Variants in PALM2AKAP2 observed in about 807,000 individuals in gnomAD.
The protein encoded by PALM2AKAP2 is PALM2 and AKAP2 fusion.
In PALM2AKAP2, 37 loss-of-function variants were observed where a neutral mutation model predicts 71.5. The observed-to-expected ratio is 0.52, with a 90% confidence interval of 0.40 to 0.68. The LOEUF is 0.68. Among genes scored for constraint, PALM2AKAP2 ranks in the 30% least tolerant of loss-of-function variants. The probability of loss-of-function intolerance (pLI) is 0.00; values close to 1 mark genes in which losing one functional copy is unlikely to be tolerated. For missense variants in PALM2AKAP2, 1,224 were observed against 1,191.8 expected (o/e 1.03, Z -0.40); for synonymous variants, 468 against 478.8 (o/e 0.98, Z 0.29).
chr9:110,121,810 C>T (rs941045102), intron 1 of PALM2AKAP2, among the ~76,000 whole-genome samples: 13 of 152,182 alleles, frequency 8.5e-5, no homozygotes, highest in Non-Finnish European at 2.9e-5. Context: ...ACCTGGTTTC[C>T]AAGGCAGCTG....
intron 1 of PALM2AKAP2, among the ~76,000 whole-genome samples, chr9:110,074,527 T>G (rs1273848442): frequency 6.6e-6 from 1 of 152,212 alleles, no homozygotes; most frequent in Non-Finnish European, 1.5e-5. Context: ...ATTTTGAGGC[T>G]GGACTGTGGT....
chr9:109,848,551 A>T (rs1201036764), intron 1 of PALM2AKAP2, among the ~76,000 whole-genome samples: 2 of 152,182 alleles, frequency 1.3e-5, no homozygotes, highest in Non-Finnish European at 2.9e-5. Context: ...GACTGAGGGA[A>T]GTAGTCAGTT....
intron 3 of PALM2AKAP2, among the ~76,000 whole-genome samples, chr9:109,888,833 A>G (rs1019655015): frequency 6.6e-6 from 1 of 151,508 alleles, no homozygotes; most frequent in Non-Finnish European, 1.5e-5. Context: ...ATTTGTTGTG[A>G]GTGGCTGTCT....
At chr9:109,904,449 ATCAT>A (rs1564203356) in intron 3 of PALM2AKAP2, among the ~76,000 whole-genome samples, 1 of 152,210 alleles carries the variant, frequency 6.6e-6, no homozygotes, top group African/African-American at 2.4e-5. Context: ...GAGGCTTGTG[ATCAT>A]TCATTCATTC....
At chr9:110,150,410 A>G (rs947190532) in intron 2 of PALM2AKAP2, among the ~76,000 whole-genome samples, 2 of 152,094 alleles carry the variant, frequency 1.3e-5, no homozygotes, top group African/African-American at 4.8e-5. Context: ...TTCGTTCTGT[A>G]TGCTGCCTAC....
At chr9:110,147,980 A>T (rs1836220527) in intron 2 of PALM2AKAP2, among the ~76,000 whole-genome samples, 1 of 152,180 alleles carries the variant, frequency 6.6e-6, no homozygotes, top group African/African-American at 2.4e-5. Context: ...GTCCACTATG[A>T]TTCGAAAAAC....
chr9:109,950,091 G>A (rs753139411), intron 6 of PALM2AKAP2, among the ~76,000 whole-genome samples: 6 of 152,030 alleles, frequency 3.9e-5, no homozygotes, highest in Non-Finnish European at 5.9e-5. Context: ...TCAAGACCAG[G>A]CTAGGCAACA....
rs1032438815 is a variant in PALM2AKAP2 at position 109,850,052 on chromosome 9, G to C, written c.46-17439G>C. The stretch of plus-strand genomic sequence containing the variant: ...GTACAGAGAGACCTATGGGTTTCAC[G>C]GGCCCTCAGTAGAACTGATTTCCTC... On this transcript the variant is annotated intron_variant, in intron 1 of 9. Transcript: ENST00000302798. 3.9e-5 allele frequency among the ~76,000 whole-genome samples: 6 copies of C among 152,232 alleles called. No individual in the cohort carries two copies. The East Asian group carries it at 5.8e-4, about 15-fold the overall frequency.
chr9:109,840,480 C>T (rs935884675), intron 1 of PALM2AKAP2, among the ~76,000 whole-genome samples: 1 of 152,134 alleles, frequency 6.6e-6, no homozygotes, highest in Admixed American at 6.5e-5. Context: ...GTCTAAAACA[C>T]CAAAAGCAAT....
chr9:109,964,405 G>A (rs1406344670), intron 6 of PALM2AKAP2, among the ~76,000 whole-genome samples: 2 of 152,260 alleles, frequency 1.3e-5, no homozygotes, highest in Non-Finnish European at 2.9e-5. Flanking sequence ...AGGCCAGTGA[G>A]GGAGCTATTG....
intron 1 of PALM2AKAP2, among the ~76,000 whole-genome samples, chr9:109,755,548 T>A (rs1286532403): frequency 6.6e-6 from 1 of 152,032 alleles, no homozygotes; most frequent in Non-Finnish European, 1.5e-5. Flanking sequence ...CGCTGGTACT[T>A]GTAAGGTGGG....
intron 1 of PALM2AKAP2, among the ~76,000 whole-genome samples, chr9:109,842,139 C>A (rs1379222183): frequency 1.3e-5 from 2 of 152,136 alleles, no homozygotes; most frequent in East Asian, 3.9e-4. Flanking sequence ...CCTTTATCCA[C>A]TTCCCTAAGA....
intron 1 of PALM2AKAP2, among the ~76,000 whole-genome samples, chr9:110,117,869 A>G (rs1162358802): frequency 9.8e-6 from 1 of 101,998 alleles, no homozygotes; most frequent in Non-Finnish European, 2.3e-5. Context: ...AGCTATATAT[A>G]TATAGAGAGA....
chr9:110,096,790 TG>T (rs1255270617), intron 1 of PALM2AKAP2, among the ~76,000 whole-genome samples: 154 of 117,134 alleles, frequency 1.3e-3, no homozygotes, highest in African/African-American at 3.0e-3. Flanking sequence ...TGTGGGGGGT[TG>T]GGGGGGGGTG....
chr9:109,709,401 C>T (rs1828192386), intron 1 of PALM2AKAP2, among the ~76,000 whole-genome samples: 1 of 152,186 alleles, frequency 6.6e-6, no homozygotes, highest in Non-Finnish European at 1.5e-5. Flanking sequence ...AGCTTTGAGC[C>T]CCTTTGGACA....
At chr9:109,888,654 GAGCCGAGAT>G (rs1315221501) in intron 3 of PALM2AKAP2, among the ~76,000 whole-genome samples, 2 of 143,194 alleles carry the variant, frequency 1.4e-5, no homozygotes, top group African/African-American at 2.6e-5. Flanking sequence ...AGGTTGCAGT[GAGCCGAGAT>G]CGCACCATTG....
At chr9:110,025,698 T>TTACTA (rs1833167544) in intron 7 of PALM2AKAP2, among the ~76,000 whole-genome samples, 1 of 152,210 alleles carries the variant, frequency 6.6e-6, no homozygotes, top group African/African-American at 2.4e-5. Context: ...TAGCCAACAC[T>TTACTA]TACTACTGTC....
chr9:109,702,801 G>A (rs147171276), intron 1 of PALM2AKAP2, among the ~76,000 whole-genome samples: 220 of 149,330 alleles, frequency 1.5e-3, no homozygotes, highest in African/African-American at 5.3e-3. Context: ...TGTAACTTTT[G>A]TTTTTTACTT....
chr9:109,920,244 G>T (rs1314416698), intron 3 of PALM2AKAP2, among the ~76,000 whole-genome samples: 2 of 152,182 alleles, frequency 1.3e-5, no homozygotes, highest in Non-Finnish European at 2.9e-5. Flanking sequence ...ACTGGGAAGT[G>T]TAACCCATCT....
Sources: allele counts gnomAD v4.1 joint callset (sites outside exome capture counted in the v4.1 genomes callset), GRCh38; gene constraint gnomAD v4.1.1; transcripts MANE v1.5; gene names NCBI Gene and HGNC (gene_info 2026-07-23, HGNC 2026-07-21).